STIM1: variants seen among roughly 807,000 people sequenced by gnomAD.
STIM1 encodes the protein stromal interaction molecule 1.
Under a neutral mutation model 74.7 loss-of-function variants are expected in STIM1, and 25 were observed. That is an observed-to-expected ratio of 0.33 (90% CI 0.24 to 0.47). The LOEUF (loss-of-function observed/expected upper bound fraction) is 0.47. Among genes scored for constraint, STIM1 ranks in the 20% least tolerant of loss-of-function variants. The pLI is 1.00. For missense variants in STIM1, 728 were observed against 920.8 expected (o/e 0.79, Z 2.71); for synonymous variants, 328 against 348.8 (o/e 0.94, Z 0.66).
intron 1 of STIM1, among the ~76,000 whole-genome samples, chr11:3,895,723 T>C (rs574728061): frequency 5.0e-4 from 20 of 40,324 alleles, no homozygotes; most frequent in South Asian, 2.1e-3. Context: ...TCTTTCTTTC[T>C]TTCTTTCTTT....
chr11:3,863,160 T>C (rs1590502777), intron 1 of STIM1, among the ~76,000 whole-genome samples: 2 of 150,430 alleles, frequency 1.3e-5, no homozygotes, highest in Admixed American at 1.3e-4. Context: ...TCCCAAAGTG[T>C]TGGGATTACA....
intron 1 of STIM1, among the ~76,000 whole-genome samples, chr11:3,921,246 A>G (rs1590566917): frequency 6.6e-6 from 1 of 152,192 alleles, no homozygotes; most frequent in African/African-American, 2.4e-5. Context: ...GCCATGATGG[A>G]TTTGATATCT....
chr11:3,976,331 G>A (rs181416752), intron 2 of STIM1, among the ~76,000 whole-genome samples: 165 of 152,272 alleles, frequency 1.1e-3, no homozygotes, highest in African/African-American at 3.7e-3. Context: ...TCTGAGAAAG[G>A]CAAAACTATA....
intron 1 of STIM1, among the ~76,000 whole-genome samples, chr11:3,901,110 G>C (rs2092336988): frequency 6.6e-6 from 1 of 152,188 alleles, no homozygotes; most frequent in South Asian, 2.1e-4. Context: ...AGAATTGCTT[G>C]AACCCAGGAG....
intron 2 of STIM1, among the ~76,000 whole-genome samples, chr11:3,988,305 G>T (rs1404421758): frequency 1.3e-5 from 2 of 152,036 alleles, no homozygotes; most frequent in East Asian, 1.9e-4. Context: ...TCAGCAAACT[G>T]TTTTTTTCGT....
At position 4,091,380 on chromosome 11, in the gene STIM1, C is replaced by G; in HGVS notation, c.1733C>G (p.Ala578Gly). 1.2e-6 allele frequency: 2 copies of G among 1,614,242 alleles called. No individual in the cohort carries two copies. The highest frequency in any genetic ancestry group is 1.7e-6 in the Non-Finnish European group (2 of 1,180,042). Reference sequence around the variant, plus strand: ...CAGATGAGCCGTGCTGCAGACGAGGCTCTCAATGCCATGACTTCCAATGGC... The same window carrying G: ...CAGATGAGCCGTGCTGCAGACGAGGGTCTCAATGCCATGACTTCCAATGGC... ...PPQMSRAADE[A>G]LNAMTSNGSH... Residue 578 changes from alanine to glycine, a missense_variant, in exon 13 of 13, where the codon GCT becomes GGT. Physicochemically the swap from Ala to Gly is moderately conservative, Grantham distance 60. This residue lies in a region of STIM1 where 352 missense variants were observed against 370.1 expected (regional missense o/e 0.95). Transcript: ENST00000526596.
intron 1 of STIM1, among the ~76,000 whole-genome samples, chr11:3,921,032 G>T (rs1045655085): frequency 6.6e-6 from 1 of 152,090 alleles, no homozygotes. Flanking sequence ...CTGACCTCAG[G>T]TAATCTGCCC....
chr11:3,865,799 G>C (rs536207460), intron 1 of STIM1, among the ~76,000 whole-genome samples: 1 of 152,296 alleles, frequency 6.6e-6, no homozygotes, highest in South Asian at 2.1e-4. Flanking sequence ...GGGGTTACTC[G>C]TGGCCACCTG....
In STIM1 at chr11:4,053,901, C is replaced by G. The variant is rs2094266220; in HGVS notation, c.386-1625C>G. On this transcript the variant is annotated intron_variant, in intron 3 of 12. Coordinates refer to ENST00000526596, the MANE Select transcript of STIM1 (RefSeq NM_001382567.1). Reference sequence around the variant, plus strand: ...GGAATTACAGGTGTGAGCTACCATGCCCGGCCTATATTAGATTATCTTGAC... The same window carrying G: ...GGAATTACAGGTGTGAGCTACCATGGCCGGCCTATATTAGATTATCTTGAC... Among the ~76,000 whole-genome samples the G allele has an allele frequency of 1.3e-5, 2 of 152,104 alleles. 1 individual carries two copies. The highest frequency in any genetic ancestry group is 4.1e-4 in the South Asian group (2 of 4,830).
At chr11:3,955,213 G>C (rs925945436) in intron 1 of STIM1, among the ~76,000 whole-genome samples, 6 of 152,124 alleles carry the variant, frequency 3.9e-5, no homozygotes, top group African/African-American at 1.2e-4. Flanking sequence ...GTGGTTGTGT[G>C]GGGAGGGAGA....
chr11:4,021,139 G>A (rs961408731), intron 2 of STIM1, among the ~76,000 whole-genome samples: 2 of 151,704 alleles, frequency 1.3e-5, no homozygotes, highest in South Asian at 4.2e-4. Flanking sequence ...GCCTATGGTG[G>A]TGGTGGTGGT....
At chr11:3,933,923 C>T (rs2092902563) in intron 1 of STIM1, among the ~76,000 whole-genome samples, 1 of 152,096 alleles carries the variant, frequency 6.6e-6, no homozygotes, top group Non-Finnish European at 1.5e-5. Context: ...AAAGAGCCTC[C>T]CTCAGCCTTT....
chr11:3,914,566 C>T (rs755662038), intron 1 of STIM1, among the ~76,000 whole-genome samples: 41 of 152,144 alleles, frequency 2.7e-4, no homozygotes, highest in Admixed American at 1.6e-3. Context: ...CTCAGCCTCC[C>T]GAGTAGCTGG....
chr11:3,904,171 T>G (rs1400542854), intron 1 of STIM1, among the ~76,000 whole-genome samples: 5 of 118,662 alleles, frequency 4.2e-5, no homozygotes, highest in Middle Eastern at 7.9e-3. Context: ...TACTCCAGCC[T>G]GGGTGACAGA....
chr11:4,049,181 A>G (rs1486056671), intron 3 of STIM1, among the ~76,000 whole-genome samples: 3 of 152,306 alleles, frequency 2.0e-5, no homozygotes, highest in South Asian at 4.1e-4. Context: ...TTTCAGTTAG[A>G]GTTGGTTCCT....
chr11:3,969,447 A>G (rs2093371016), intron 2 of STIM1, among the ~76,000 whole-genome samples: 1 of 152,158 alleles, frequency 6.6e-6, no homozygotes, highest in East Asian at 1.9e-4. Flanking sequence ...ATGCCATTGC[A>G]CTCCAGCCTG....
intron 1 of STIM1, among the ~76,000 whole-genome samples, chr11:3,874,643 GA>G (rs1483965180): frequency 1.4e-4 from 21 of 152,228 alleles, no homozygotes; most frequent in Non-Finnish European, 2.5e-4. Flanking sequence ...CCTTTAGCCA[GA>G]ATGACTTCTT....
Position 3,864,251 on chromosome 11 carries a change from A to G in STIM1, c.139+7842A>G, listed in dbSNP as rs1002408436. 9.8e-5 allele frequency among the ~76,000 whole-genome samples: 15 copies of G among 152,336 alleles called. No homozygotes were observed. The East Asian group carries it at 2.5e-3, about 25-fold the overall frequency. ...AGCAAATGGGCCTGGTCCCCACTGTATTGGTTACTTATTGGTGTATAACAA... is the reference window on the plus strand; with the variant it reads ...AGCAAATGGGCCTGGTCCCCACTGTGTTGGTTACTTATTGGTGTATAACAA... On this transcript the variant is annotated intron_variant, in intron 1 of 12. Coordinates refer to ENST00000526596, the MANE Select transcript of STIM1 (RefSeq NM_001382567.1).
chr11:3,933,704 C>T (rs763097913), intron 1 of STIM1, among the ~76,000 whole-genome samples: 1 of 152,098 alleles, frequency 6.6e-6, no homozygotes, highest in African/African-American at 2.4e-5. Context: ...CCCCGCCGCC[C>T]GCCGTCTACA....
Sources: gnomAD v4.1 joint callset for allele counts (sites outside exome capture counted in the v4.1 genomes callset) on GRCh38, gnomAD v4.1.1 for gene constraint, gnomAD v4.1.1 regional missense constraint, MANE v1.5 for transcripts, NCBI Gene and HGNC (gene_info 2026-07-23, HGNC 2026-07-21) for gene names.